VIPR2: variants seen among roughly 807,000 people sequenced by gnomAD.
VIPR2 encodes vasoactive intestinal polypeptide receptor 2.
In VIPR2, 48 loss-of-function variants were observed where a neutral mutation model predicts 58.0. The observed-to-expected ratio is 0.83, with a 90% CI of 0.66 to 1.05. The LOEUF (loss-of-function observed/expected upper bound fraction) is 1.05. Ranked by LOEUF, VIPR2 falls within the 50% of genes least tolerant of loss-of-function variation. The pLI is 0.00. For synonymous variants in VIPR2, 243 were observed against 235.2 expected (o/e 1.03, Z -0.30); for missense variants, 534 against 558.0 (o/e 0.96, Z 0.43).
chr7:159,115,914 G>C (rs562595616), intron 2 of VIPR2, among the ~76,000 whole-genome samples: 1 of 152,282 alleles, frequency 6.6e-6, no homozygotes, highest in East Asian at 1.9e-4. Flanking sequence ...TCATATACCA[G>C]CTTAGGCTGC....
intron 4 of VIPR2, among the ~76,000 whole-genome samples, chr7:159,083,648 C>T (rs1235015967): frequency 6.6e-6 from 1 of 152,240 alleles, no homozygotes. Context: ...GGCAATCATG[C>T]ACAGCCCCGT....
At chr7:159,050,638 T>C (rs1854945659) in intron 5 of VIPR2, among the ~76,000 whole-genome samples, 1 of 151,858 alleles carries the variant, frequency 6.6e-6, no homozygotes, top group African/African-American at 2.4e-5. Flanking sequence ...ACCAAAAATA[T>C]GAAAAATATA....
chr7:159,058,547 T>TA lies in VIPR2; in HGVS notation c.388dup (p.Tyr130LeufsTer65), dbSNP rs1855455890. On this transcript the variant is annotated frameshift_variant, in exon 5 of 13. Coordinates refer to ENST00000262178, the MANE Select transcript of VIPR2 (RefSeq NM_003382.5). LOFTEE classifies it high-confidence loss of function. ...CAGAGAGACACTGTAGCCCAGTGTA[T>TA]AAATGGCCTTCACCAGAATATAAAA... 3 of 1,613,092 alleles carry TA rather than the reference T, an allele frequency of 1.9e-6. No individual in the cohort carries two copies.
intron 2 of VIPR2, among the ~76,000 whole-genome samples, chr7:159,132,192 G>GTC (rs201446390): frequency 0.018 from 1,422 of 80,364 alleles, 1 homozygote; most frequent in African/African-American, 0.062. Flanking sequence ...CTTTTTGACA[G>GTC]TCTCGTCAGA....
chr7:159,061,196 G>A (rs944040063), intron 4 of VIPR2, among the ~76,000 whole-genome samples: 1 of 152,160 alleles, frequency 6.6e-6, no homozygotes, highest in African/African-American at 2.4e-5. Context: ...AGGAGAAATG[G>A]AGGGAGAAAC....
intron 2 of VIPR2, among the ~76,000 whole-genome samples, chr7:159,120,721 G>A (rs556376372): frequency 4.9e-4 from 74 of 152,246 alleles, no homozygotes; most frequent in African/African-American, 1.6e-3. Flanking sequence ...GCAGCTGTGC[G>A]GGCTCCATCT....
rs891692513 is a variant in VIPR2 at position 159,142,933 on chromosome 7, C to T, written c.52-388G>A. 2.6e-5 allele frequency among the ~76,000 whole-genome samples: 4 copies of T among 152,214 alleles called. No homozygotes were observed. The East Asian group carries it at 7.7e-4, about 29-fold the overall frequency. ...TGGACTGTGCCGCTTCCTCCGAGGA[C>T]GGCCTCCACCCGGGAAAGAGCCGTG... On this transcript the variant is annotated intron_variant, in intron 1 of 12. Coordinates refer to ENST00000262178, the MANE Select transcript of VIPR2 (RefSeq NM_003382.5).
intron 4 of VIPR2, among the ~76,000 whole-genome samples, chr7:159,084,673 T>A (rs929352820): frequency 1.3e-5 from 2 of 152,190 alleles, no homozygotes; most frequent in Non-Finnish European, 2.9e-5. Context: ...GCACCTCTTA[T>A]GGGTCCCCGG....
chr7:159,111,509 G>A (rs949227921), intron 2 of VIPR2, among the ~76,000 whole-genome samples: 2 of 151,694 alleles, frequency 1.3e-5, no homozygotes, highest in Non-Finnish European at 2.9e-5. Flanking sequence ...GTGAAACCCC[G>A]TCTCTACTAA....
intron 2 of VIPR2, among the ~76,000 whole-genome samples, chr7:159,113,505 T>C (rs1273753339): frequency 6.6e-6 from 1 of 151,858 alleles, no homozygotes; most frequent in Non-Finnish European, 1.5e-5. Flanking sequence ...TCTCGGTGTC[T>C]GAGGGGTTTT....
At chr7:159,103,652 T>C (rs1042017937) in intron 4 of VIPR2, 105 bp downstream of exon 4, 2 of 880,348 alleles carry the variant, frequency 2.3e-6, no homozygotes, top group East Asian at 4.9e-5. Context: ...ACTCAGAGGA[T>C]TATTTAGGGG....
intron 4 of VIPR2, among the ~76,000 whole-genome samples, chr7:159,063,429 C>G (rs1336583387): frequency 6.6e-6 from 1 of 152,010 alleles, no homozygotes; most frequent in Non-Finnish European, 1.5e-5. Flanking sequence ...GCCGGCCGCT[C>G]CAAGTGCGGG....
rs1256020745 is a variant in VIPR2 at position 159,103,791 on chromosome 7, G to A, written c.323C>T (p.Ala108Val). The change falls in exon 4 of 13, where the codon GCC (alanine) becomes GTC (valine). Residue 108 changes from alanine (A) to valine (V), a missense_variant. Ala to Val is a moderately conservative substitution (Grantham distance 64, BLOSUM62 0). Transcript: ENST00000262178. ...ATCCTCCGGGTCGCTGTAGCCACAG[G>A]CATCGACGAAATCTGGGAACGTCTC... is the stretch of plus-strand genomic sequence containing the variant. ...WSETFPDFVDACGYSDPEDES... is the reference protein window; with the variant it reads ...WSETFPDFVDVCGYSDPEDES... 6.2e-7 allele frequency: 1 copy of A among 1,614,134 alleles called. No homozygotes were observed. The highest frequency in any genetic ancestry group is 1.7e-5 in the Admixed American group (1 of 60,024).
intron 4 of VIPR2, chr7:159,059,228 G>T (rs1434501354): frequency 2.1e-6 from 1 of 471,070 alleles, no homozygotes; most frequent in Admixed American, 2.3e-5. Context: ...TACACAAAAA[G>T]AACTGGGTCC....
intron 2 of VIPR2, among the ~76,000 whole-genome samples, chr7:159,113,167 C>A (rs1796104691): frequency 6.6e-6 from 1 of 152,198 alleles, no homozygotes; most frequent in Admixed American, 6.5e-5. Flanking sequence ...AGGAACCAGA[C>A]CCGACACCAG....
chr7:159,034,363 G>T, intron 9 of VIPR2, 59 bp from the exon 10 acceptor site: 1 of 1,564,756 alleles, frequency 6.4e-7, no homozygotes, highest in Non-Finnish European at 8.8e-7. Context: ...TTGCCCTGAA[G>T]TCCACCTGAT....
chr7:159,081,856 A>G (rs1050919432), intron 4 of VIPR2, among the ~76,000 whole-genome samples: 2 of 152,260 alleles, frequency 1.3e-5, no homozygotes, highest in Non-Finnish European at 2.9e-5. Context: ...CAAAAAACAC[A>G]TGAAAAAATA....
chr7:159,045,622 C>G (rs1854600008), intron 5 of VIPR2, among the ~76,000 whole-genome samples: 1 of 152,028 alleles, frequency 6.6e-6, no homozygotes, highest in Admixed American at 6.6e-5. Flanking sequence ...CCATAAAACT[C>G]TTCTGAAAAA....
chr7:159,099,988 A>G lies in VIPR2; in HGVS notation c.357+3769T>C, dbSNP rs1365245190. On this transcript the variant is annotated intron_variant, in intron 4 of 12. Transcript: ENST00000262178. The surrounding 1 kb of genome is among the most constrained non-coding windows in gnomAD (Gnocchi z 4.2). ...CTGAGGACCTTCCTCAAGGGCTCACAGCCATGCGTGCTGGAGCTGGGCCCC... is the reference window on the plus strand; with the variant it reads ...CTGAGGACCTTCCTCAAGGGCTCACGGCCATGCGTGCTGGAGCTGGGCCCC... Among the ~76,000 whole-genome samples the G allele has an allele frequency of 2.0e-5, 3 of 152,240 alleles. No individual in the cohort carries two copies. The highest frequency in any genetic ancestry group is 2.9e-5 in the Non-Finnish European group (2 of 68,006).
Sources: gnomAD v4.1 joint callset for allele counts (sites outside exome capture counted in the v4.1 genomes callset) on GRCh38, gnomAD v4.1.1 for gene constraint, Gnocchi (gnomAD v3.1) non-coding constraint, MANE v1.5 for transcripts, NCBI Gene and HGNC (gene_info 2026-07-23, HGNC 2026-07-21) for gene names.